The following FAM234A variants were observed in gnomAD, a reference collection of about 807,000 sequenced individuals.
The protein encoded by FAM234A is family with sequence similarity 234 member A.
Under a neutral mutation model 49.1 loss-of-function variants are expected in FAM234A, and 42 were observed. The observed-to-expected ratio is 0.86, with a 90% confidence interval of 0.67 to 1.11. The LOEUF is 1.11. Among genes scored for constraint, FAM234A ranks in the 50% least tolerant of loss-of-function variants. The pLI is 0.00. For synonymous variants in FAM234A, 369 were observed against 316.2 expected, an observed-to-expected ratio of 1.17 and a Z score of -1.77; for missense variants, 815 against 745.2, an observed-to-expected ratio of 1.09 and a Z score of -1.09.
chr16:259,422 C>G (rs1389608072), intron 3 of FAM234A, 61 bp from the exon 4 acceptor site: 1 of 958,008 alleles, frequency 1.0e-6, no homozygotes, highest in African/African-American at 1.6e-5. Context: ...CGTGCTGGAC[C>G]TGATCGTTCC....
chr16:250,030 C>T (rs1460501564), intron 2 of FAM234A, among the ~76,000 whole-genome samples: 1 of 152,172 alleles, frequency 6.6e-6, no homozygotes, highest in Non-Finnish European at 1.5e-5. Flanking sequence ...ACTGCAAGCT[C>T]CACCTCCCGG....
At chr16:256,020 C>A (rs1490275475) in intron 3 of FAM234A, among the ~76,000 whole-genome samples, 3 of 152,214 alleles carry the variant, frequency 2.0e-5, no homozygotes, top group Non-Finnish European at 2.9e-5. Flanking sequence ...AGTGTGACTT[C>A]CTTAACTTAG....
chr16:259,905 TG>T, intron 4 of FAM234A, 63 bp from the exon 5 acceptor site: 1 of 1,458,984 alleles, frequency 6.9e-7, no homozygotes. Context: ...CAGCACATGC[TG>T]GGGCTGGCCG....
intron 1 of FAM234A, among the ~76,000 whole-genome samples, chr16:235,346 T>C (rs920588473): frequency 1.3e-5 from 2 of 152,086 alleles, no homozygotes; most frequent in African/African-American, 4.8e-5. Context: ...TCTGCAAGCT[T>C]GTCCGTCCGG....
In FAM234A at chr16:263,345, T is replaced by G; in HGVS notation, c.1055T>G (p.Leu352Arg). 6.2e-7 allele frequency: 1 copy of G among 1,613,010 alleles called. No homozygotes were observed. Among genetic ancestry groups the G allele is most frequent in the Non-Finnish European group, 8.5e-7 (1 of 1,179,998 alleles). Residue 352 changes from leucine to arginine, a missense_variant, in exon 9 of 13, where the codon CTG becomes CGG. Leu to Arg is a moderately radical substitution (Grantham distance 102, BLOSUM62 -2). Transcript: ENST00000399932. ...VLLVGSEAFV[L>R]LDGQELTPRW... ...CTTGTGGGCTCAGAGGCCTTCGTGCTGCTGGACGGGCAGGAGCTGACGCCT... is the reference window on the plus strand; with the variant it reads ...CTTGTGGGCTCAGAGGCCTTCGTGCGGCTGGACGGGCAGGAGCTGACGCCT...
At chr16:255,154 C>G (rs2051181292) in intron 3 of FAM234A, among the ~76,000 whole-genome samples, 1 of 152,104 alleles carries the variant, frequency 6.6e-6, no homozygotes, top group South Asian at 2.1e-4. Context: ...GCGCCTGGCC[C>G]TAATTTTGTA....
chr16:244,631 A>G (rs1047311055), intron 1 of FAM234A, among the ~76,000 whole-genome samples: 2 of 151,226 alleles, frequency 1.3e-5, no homozygotes, highest in Admixed American at 6.6e-5. Context: ...AAAATGTTGT[A>G]AAAATAGCAC....
intron 1 of FAM234A, among the ~76,000 whole-genome samples, chr16:244,856 T>A (rs1308210404): frequency 6.7e-6 from 1 of 148,840 alleles, no homozygotes; most frequent in Non-Finnish European, 1.5e-5. Flanking sequence ...CCCGGCTAAT[T>A]TTTTTTTGTA....
intron 1 of FAM234A, among the ~76,000 whole-genome samples, chr16:247,592 C>T (rs565970092): frequency 2.6e-5 from 4 of 151,868 alleles, no homozygotes; most frequent in Admixed American, 1.3e-4. Flanking sequence ...CCACCACGCC[C>T]GACTAATTTT....
At position 263,406 on chromosome 16, in the gene FAM234A, C is replaced by T. The variant is rs577501951; in HGVS notation, c.1112+4C>T. The T allele has an allele frequency of 6.2e-6, 10 of 1,608,476 alleles. No homozygotes were observed. The highest frequency in any genetic ancestry group is 2.2e-5 in the East Asian group (1 of 44,870). On this transcript the variant is annotated splice_donor_region_variant and intron_variant, in intron 9 of 12. Transcript: ENST00000399932. ...CCAAGGCAGCCCATGTCCTGAGGTACAGGGTTTCCCCAAGGACCGCGCAGG... is the reference window on the plus strand; with the variant it reads ...CCAAGGCAGCCCATGTCCTGAGGTATAGGGTTTCCCCAAGGACCGCGCAGG...
chr16:263,782 T>C lies in FAM234A; in HGVS notation c.1188+7T>C. 4.3e-6 allele frequency: 7 copies of C among 1,609,838 alleles called. No homozygotes were observed. The highest frequency in any genetic ancestry group is 6.0e-6 in the Non-Finnish European group (7 of 1,176,096). On this transcript the variant is annotated splice_region_variant and intron_variant, in intron 10 of 12. Transcript: ENST00000399932. ...AACTGGCACCGACAGACAGGTTCGT[T>C]GTTCTTCCTTCGGAGGTGGCACCTT...
chr16:263,696 C>G lies in FAM234A; in HGVS notation c.1113-4C>G, dbSNP rs1173706982. Reference sequence around the variant, plus strand: ...TCGTGAGCGCTTCCTCCATATTGTTCCAGAAAACCCATCTTCGGCCGCTAC... The same window carrying G: ...TCGTGAGCGCTTCCTCCATATTGTTGCAGAAAACCCATCTTCGGCCGCTAC... On this transcript the variant is annotated splice_region_variant and splice_polypyrimidine_tract_variant and intron_variant, in intron 9 of 12. Transcript: ENST00000399932. 6.2e-7 allele frequency: 1 copy of G among 1,612,558 alleles called. No individual in the cohort carries two copies. Among genetic ancestry groups the G allele is most frequent in the East Asian group, 2.2e-5 (1 of 44,876 alleles).
intron 1 of FAM234A, among the ~76,000 whole-genome samples, chr16:237,877 T>A (rs2142188329): frequency 6.6e-6 from 1 of 152,062 alleles, no homozygotes; most frequent in South Asian, 2.1e-4. Flanking sequence ...CTATTTTTTT[T>A]ATTTTTAGTA....
At chr16:269,309 G>C (rs1265465867), downstream of FAM234A, 1 of 1,594,078 alleles carries the variant, frequency 6.3e-7, no homozygotes, top group Admixed American at 1.8e-5. Context: ...ACAAGCCGCT[G>C]TGGGCTCCAC....
Position 264,174 on chromosome 16 carries a change from A to G in FAM234A, c.1344+3A>G. The stretch of plus-strand genomic sequence containing the variant: ...AGCTGGGGAGCACCAGCGAGACGGT[A>G]CGGGAGCCACCCTCGGAGCAGCCAT... On this transcript the variant is annotated splice_donor_region_variant and intron_variant, in intron 11 of 12. Transcript: ENST00000399932. The G allele has an allele frequency of 6.3e-7, 1 of 1,596,316 alleles. No homozygotes were observed. Among genetic ancestry groups the G allele is most frequent in the South Asian group, 1.1e-5 (1 of 89,848 alleles).
chr16:246,417 C>CTTTTTT (rs1183467460), intron 1 of FAM234A, among the ~76,000 whole-genome samples: 4 of 67,304 alleles, frequency 5.9e-5, no homozygotes, highest in Admixed American at 1.7e-4. Context: ...TAGGTGGTGG[C>CTTTTTT]TTTTTTTTTT....
rs765594311 is a variant in FAM234A at position 264,150 on chromosome 16, G to T, written c.1323G>T (p.Glu441Asp). The T allele has an allele frequency of 1.2e-6, 2 of 1,605,220 alleles. No homozygotes were observed. The highest frequency in any genetic ancestry group is 2.7e-5 in the African/African-American group (2 of 74,896). ...CCTTCTTCTTCTGGGGCCTCCACGAGCTGGGGAGCACCAGCGAGACGGTAC... is the reference window on the plus strand; with the variant it reads ...CCTTCTTCTTCTGGGGCCTCCACGATCTGGGGAGCACCAGCGAGACGGTAC... ...RSAFFFWGLH[E>D]LGSTSETETG... Residue 441 changes from glutamate (E) to aspartate (D), a missense_variant, in exon 11 of 13, where the codon GAG becomes GAT. By Grantham distance (45) the Glu-to-Asp change is conservative (BLOSUM62 2). Transcript: ENST00000399932.
At chr16:269,698 G>A (rs190176348), downstream of FAM234A, 15 of 843,948 alleles carry the variant, frequency 1.8e-5, no homozygotes, top group East Asian at 1.3e-4. Context: ...CAGAGTCTCC[G>A]GCGGACAGGG....
At chr16:255,030 A>C (rs987684903) in intron 3 of FAM234A, among the ~76,000 whole-genome samples, 1 of 151,388 alleles carries the variant, frequency 6.6e-6, no homozygotes, top group African/African-American at 2.4e-5. Flanking sequence ...TAATATTTGT[A>C]TTTTTAGTAG....
Sources: allele counts gnomAD v4.1 joint callset (sites outside exome capture counted in the v4.1 genomes callset), GRCh38; gene constraint gnomAD v4.1.1; transcripts MANE v1.5; gene names NCBI Gene and HGNC (gene_info 2026-07-23, HGNC 2026-07-21).